SSH1: variants seen among roughly 807,000 people sequenced by gnomAD.
The protein encoded by SSH1 is slingshot protein phosphatase 1, also known as protein phosphatase Slingshot homolog 1.
In SSH1, 43 loss-of-function variants were observed where a neutral mutation model predicts 79.7. That is an observed-to-expected ratio of 0.54 (90% confidence interval 0.42 to 0.70). The LOEUF (loss-of-function observed/expected upper bound fraction) is 0.70, where lower values mean the gene tolerates loss of function less well. Ranked by LOEUF, SSH1 falls within the 30% of genes least tolerant of loss-of-function variation. The pLI, the probability that SSH1 is intolerant of heterozygous loss-of-function variation, is 0.00. For missense variants in SSH1, 1,206 were observed against 1,358.8 expected (o/e 0.89, Z 1.77); for synonymous variants, 599 against 538.3 (o/e 1.11, Z -1.56).
chr12:108,851,214 A>G (rs1371752585), intron 2 of SSH1, among the ~76,000 whole-genome samples: 1 of 152,208 alleles, frequency 6.6e-6, no homozygotes, highest in East Asian at 1.9e-4. Flanking sequence ...CTTGCAGGCT[A>G]GTGTTTCCCT....
At position 108,852,423 on chromosome 12, in the gene SSH1, G is replaced by A. The variant is rs1593138542; in HGVS notation, c.110+215C>T. On this transcript the variant is annotated intron_variant, in intron 2 of 14. Transcript: ENST00000326495. ...TTTTCTGTTTTTTTAGTAGAGACAG[G>A]GTTTCACCATGTTGGCCAGGATGGT... is the stretch of plus-strand genomic sequence containing the variant. Among the ~76,000 whole-genome samples the A allele has an allele frequency of 3.3e-5, 5 of 151,810 alleles. 1 individual carries two copies. The highest frequency in any genetic ancestry group is 3.3e-4 in the Admixed American group (5 of 15,252).
chr12:108,831,467 C>T (rs1417681473), intron 2 of SSH1, among the ~76,000 whole-genome samples: 2 of 152,190 alleles, frequency 1.3e-5, no homozygotes, highest in Admixed American at 6.5e-5. Context: ...GAAACAGACC[C>T]GGTTTCCACC....
intron 14 of SSH1, among the ~76,000 whole-genome samples, chr12:108,790,573 T>C (rs10746131): frequency 0.66 from 100,145 of 152,082 alleles, 34,974 homozygotes; most frequent in East Asian, 0.99. Flanking sequence ...CGTGAGCCAC[T>C]GCACCTGGCC....
At position 108,792,630 on chromosome 12, in the gene SSH1, G is replaced by A. The variant is rs761012107; in HGVS notation, c.1549C>T (p.Pro517Ser). Residue 517 changes from proline to serine, a missense_variant, in exon 14 of 15, where the codon CCC (proline) becomes TCC (serine). By Grantham distance (74) the Pro-to-Ser change is moderately conservative. Around this residue, in one of 5 missense-constraint regions of SSH1, gnomAD observed 709 missense variants for 730.6 expected, o/e 0.97. Coordinates refer to ENST00000326495, the MANE Select transcript of SSH1 (RefSeq NM_018984.4). ...TCATCCTCAGGGGAAGGCAGAAGGGGGTCTGAGAGTCGCCGGAAACAGCAG... is the reference window on the plus strand; with the variant it reads ...TCATCCTCAGGGGAAGGCAGAAGGGAGTCTGAGAGTCGCCGGAAACAGCAG... Reference protein sequence around the residue: ...LPCCFRRLSDPLLPSPEDETG... With the variant: ...LPCCFRRLSDSLLPSPEDETG... 11 of 1,612,096 alleles carry A rather than the reference G, an allele frequency of 6.8e-6. No individual in the cohort carries two copies. The highest frequency in any genetic ancestry group is 7.6e-6 in the Non-Finnish European group (9 of 1,179,586).
intron 14 of SSH1, 123 bp from the exon 15 acceptor site, chr12:108,789,367 T>TG: frequency 9.9e-7 from 1 of 1,006,454 alleles, no homozygotes; most frequent in Non-Finnish European, 1.5e-6. Flanking sequence ...GAGGGGAGGC[T>TG]CTCATTTCAC....
chr12:108,840,178 A>G (rs1042894607), intron 2 of SSH1, among the ~76,000 whole-genome samples: 2 of 151,624 alleles, frequency 1.3e-5, no homozygotes, highest in African/African-American at 2.4e-5. Flanking sequence ...CACTGACTAC[A>G]CCCACAAAGC....
In SSH1 at chr12:108,800,903, G is replaced by T. The variant is rs745562321; in HGVS notation, c.1025C>A (p.Thr342Asn). 3 of 1,613,670 alleles carry T rather than the reference G, an allele frequency of 1.9e-6. No individual in the cohort carries two copies. The highest frequency in any genetic ancestry group is 1.7e-6 in the Non-Finnish European group (2 of 1,179,806). The change falls in exon 12 of 15, where the codon ACC (threonine) becomes AAC (asparagine). Residue 342 changes from threonine (T) to asparagine (N), a missense_variant. Transcript: ENST00000326495. ...GSGVDYILNV[T>N]REIDNFFPGL... ...AGGAAAAAAATTATCGATTTCTCTG[G>T]TAACATTTAAAATGTAATCAACCCT... is the stretch of plus-strand genomic sequence containing the variant.
rs773948912 is a variant in SSH1 at position 108,788,015 on chromosome 12, C to CT, written c.3122dup (p.Ser1042GlufsTer40). 1 of 1,614,132 alleles carries CT rather than the reference C, an allele frequency of 6.2e-7. No individual in the cohort carries two copies. Among genetic ancestry groups the CT allele is most frequent in the Non-Finnish European group, 8.5e-7 (1 of 1,180,034 alleles). ...AGCTTTTGCTCATCCACGAAGGGCT[C>CT]TTTAAGTTTTCTGGGGCGGGTTTCC... On this transcript the variant is annotated frameshift_variant, in exon 15 of 15. Coordinates refer to ENST00000326495, the MANE Select transcript of SSH1 (RefSeq NM_018984.4). LOFTEE classifies it high-confidence loss of function.
chr12:108,828,060 T>C (rs2137213971), intron 2 of SSH1, among the ~76,000 whole-genome samples: 1 of 152,274 alleles, frequency 6.6e-6, no homozygotes, highest in Middle Eastern at 3.4e-3. Context: ...TTAGCGTTTC[T>C]TTCAGTGAGA....
intron 1 of SSH1, among the ~76,000 whole-genome samples, chr12:108,856,520 C>A (rs1293513309): frequency 6.6e-6 from 1 of 152,194 alleles, no homozygotes; most frequent in Non-Finnish European, 1.5e-5. Flanking sequence ...CATAAACACA[C>A]AGGCCTGAGT....
chr12:108,816,406 T>G (rs2037887788), intron 5 of SSH1, among the ~76,000 whole-genome samples: 2 of 152,218 alleles, frequency 1.3e-5, no homozygotes, highest in Admixed American at 1.3e-4. Flanking sequence ...AATCCAGGTT[T>G]TGCAATGATC....
intron 2 of SSH1, among the ~76,000 whole-genome samples, chr12:108,840,193 G>GC (rs1433727426): frequency 2.0e-5 from 3 of 152,014 alleles, no homozygotes; most frequent in African/African-American, 7.3e-5. Flanking sequence ...CAAAGCAGGA[G>GC]CCCCCGCACC....
intron 2 of SSH1, among the ~76,000 whole-genome samples, chr12:108,840,487 C>T (rs994072552): frequency 6.6e-6 from 1 of 151,530 alleles, no homozygotes; most frequent in African/African-American, 2.4e-5. Flanking sequence ...TAGCCGAGAT[C>T]GTGCCACTGC....
Position 108,857,468 on chromosome 12 carries a change from G to C in SSH1, c.29C>G (p.Pro10Arg). MALVTLQRS[P>R]TPSAASSSAS... The stretch of plus-strand genomic sequence containing the variant: ...CGAGGAGGAGGCGGCGCTGGGCGTG[G>C]GCGAGCGCTGCAGGGTCACCAGGGC... Residue 10 changes from proline to arginine, a missense_variant, in exon 1 of 15, where the codon CCC becomes CGC. Coordinates refer to ENST00000326495, the MANE Select transcript of SSH1 (RefSeq NM_018984.4). This position sits in a 1 kb window ranked among gnomAD's most constrained non-coding sequence, Gnocchi z 4.7. 8.8e-7 allele frequency: 1 copy of C among 1,133,408 alleles called. No homozygotes were observed. The highest frequency in any genetic ancestry group is 1.1e-6 in the Non-Finnish European group (1 of 905,644). 70.2% of individuals were successfully genotyped at this position (1,133,408 alleles called of 1,614,324 possible). A position where few individuals can be genotyped will look rare whatever the true frequency, so the allele number is the denominator to read the frequency against.
chr12:108,799,213 G>A lies in SSH1; in HGVS notation c.1149-13C>T. On this transcript the variant is annotated splice_polypyrimidine_tract_variant and intron_variant, in intron 12 of 14. Coordinates refer to ENST00000326495, the MANE Select transcript of SSH1 (RefSeq NM_018984.4). ...GGAATGGTTCCTCCTGCAGGGGTGG[G>A]AGCAGTTGGGGAGGAGAGATGGGGG... is the stretch of plus-strand genomic sequence containing the variant. 2 of 1,605,926 alleles carry A rather than the reference G, an allele frequency of 1.2e-6. No individual in the cohort carries two copies. The highest frequency in any genetic ancestry group is 1.7e-6 in the Non-Finnish European group (2 of 1,174,936).
At chr12:108,830,514 C>T (rs2038447559) in intron 2 of SSH1, among the ~76,000 whole-genome samples, 2 of 152,194 alleles carry the variant, frequency 1.3e-5, no homozygotes, top group East Asian at 3.9e-4. Flanking sequence ...ACAGTCTTCT[C>T]CATGGGCTTC....
chr12:108,854,834 CA>C (rs2039112498), intron 1 of SSH1, among the ~76,000 whole-genome samples: 1 of 152,176 alleles, frequency 6.6e-6, no homozygotes, highest in Admixed American at 6.5e-5. Flanking sequence ...GAGGGCGGAC[CA>C]GGGCAGAACC....
At chr12:108,811,366 T>C (rs1470710782) in intron 5 of SSH1, 38 bp from the exon 6 acceptor site, 1 of 1,599,592 alleles carries the variant, frequency 6.3e-7, no homozygotes, top group Non-Finnish European at 8.6e-7. Context: ...AGTCAGCGTC[T>C]ACCCACCTAC....
chr12:108,836,831 G>C (rs901844855), intron 2 of SSH1: 4 of 498,222 alleles, frequency 8.0e-6, no homozygotes, highest in South Asian at 4.4e-5. Flanking sequence ...AGCATCCCTT[G>C]GGTGATGTTC....
Sources: allele counts gnomAD v4.1 joint callset (sites outside exome capture counted in the v4.1 genomes callset), GRCh38; gene constraint gnomAD v4.1.1; regional missense constraint gnomAD v4.1.1; non-coding constraint Gnocchi (gnomAD v3.1); transcripts MANE v1.5; gene names NCBI Gene and HGNC (gene_info 2026-07-23, HGNC 2026-07-21).